The following PPFIBP2 variants were observed in gnomAD, a reference collection of about 807,000 sequenced individuals.
PPFIBP2 encodes PPFIB scaffold protein 2.
Under a neutral mutation model 118.3 loss-of-function variants are expected in PPFIBP2, and 118 were observed. The ratio of observed to expected loss-of-function variants is 1.00; its 90% CI spans 0.86 to 1.16. PPFIBP2 has a LOEUF of 1.16. Among genes scored for constraint, PPFIBP2 ranks in the 50% most tolerant of loss-of-function variants. The pLI is 0.00. For synonymous variants in PPFIBP2, 414 were observed against 397.4 expected (o/e 1.04, Z -0.50); for missense variants, 1,195 against 1,073.1 (o/e 1.11, Z -1.59).
rs1228315136 is a variant in PPFIBP2 at position 7,521,249 on chromosome 11, A to G, written c.-37+7128A>G. ...TTAATCACCCTGTTCTATGTTGCAT[A>G]GTAATCATGATCCCTAACATACCTG... is the stretch of plus-strand genomic sequence containing the variant. On this transcript the variant is annotated intron_variant, in intron 1 of 23. Coordinates refer to ENST00000299492, the MANE Select transcript of PPFIBP2 (RefSeq NM_003621.5). Among the ~76,000 whole-genome samples, 3 of 152,236 alleles carry G rather than the reference A, an allele frequency of 2.0e-5. No homozygotes were observed. The South Asian group carries it at 6.2e-4, about 32-fold the overall frequency.
chr11:7,576,430 G>A (rs1292179584), intron 3 of PPFIBP2: 1 of 152,462 alleles, frequency 6.6e-6, no homozygotes, highest in African/African-American at 2.4e-5. Context: ...AGGAGGTGGG[G>A]GGTGGCATCT....
chr11:7,558,826 C>A (rs895751466), intron 2 of PPFIBP2, among the ~76,000 whole-genome samples: 1 of 152,022 alleles, frequency 6.6e-6, no homozygotes, highest in African/African-American at 2.4e-5. Flanking sequence ...TGGTCTTATC[C>A]TCAAAAATAA....
chr11:7,574,965 TCCCTC>T (rs1362891303), intron 3 of PPFIBP2, among the ~76,000 whole-genome samples: 1 of 152,120 alleles, frequency 6.6e-6, no homozygotes, highest in Non-Finnish European at 1.5e-5. Context: ...TCTGGATTCT[TCCCTC>T]CCTTCCTCCC....
chr11:7,536,064 C>G (rs1851181080), intron 1 of PPFIBP2, among the ~76,000 whole-genome samples: 1 of 152,216 alleles, frequency 6.6e-6, no homozygotes, highest in Non-Finnish European at 1.5e-5. Flanking sequence ...AACATTTAAC[C>G]TTCACAACCA....
At chr11:7,648,184 T>G in intron 17 of PPFIBP2, 1 of 539,766 alleles carries the variant, frequency 1.9e-6, no homozygotes, top group South Asian at 2.7e-5. Context: ...TCTTGTGTTA[T>G]TAAGAAAACT....
Position 7,625,866 on chromosome 11 carries a change from C to T in PPFIBP2, c.801C>T (p.Leu267=). 1 of 1,614,216 alleles carries T rather than the reference C, an allele frequency of 6.2e-7. No individual in the cohort carries two copies. Among genetic ancestry groups the T allele is most frequent in the Non-Finnish European group, 8.5e-7 (1 of 1,180,020 alleles). The part of the protein sequence containing the change: ...LHSQLSRTAA[L]HSESHTERDQ... Reference sequence around the variant, plus strand: ...GCCAGCTCTCCCGGACAGCAGCTCTCCACAGTGAGAGTCACACAGAGAGAG... The same window carrying T: ...GCCAGCTCTCCCGGACAGCAGCTCTTCACAGTGAGAGTCACACAGAGAGAG... Residue 267 remains leucine, a synonymous_variant, in exon 8 of 24, where the codon CTC becomes CTT. Coordinates refer to ENST00000299492, the MANE Select transcript of PPFIBP2 (RefSeq NM_003621.5).
intron 3 of PPFIBP2, among the ~76,000 whole-genome samples, chr11:7,584,843 T>C (rs1431158978): frequency 2.6e-5 from 4 of 152,224 alleles, no homozygotes; most frequent in Admixed American, 6.5e-5. Context: ...ATAGCCTTAG[T>C]AACTTTGATA....
chr11:7,650,203 G>A (rs1853771495), intron 21 of PPFIBP2, among the ~76,000 whole-genome samples: 1 of 152,114 alleles, frequency 6.6e-6, no homozygotes, highest in African/African-American at 2.4e-5. Flanking sequence ...GTTCTTGGTG[G>A]ACCCCCAAAC....
intron 17 of PPFIBP2, among the ~76,000 whole-genome samples, chr11:7,647,678 C>T (rs11041495): frequency 0.35 from 52,692 of 152,114 alleles, 11,608 homozygotes; most frequent in Non-Finnish European, 0.48. Flanking sequence ...ATGTGTATTT[C>T]GTAAGTGGCC....
intron 5 of PPFIBP2, among the ~76,000 whole-genome samples, chr11:7,607,117 C>T (rs568429467): frequency 2.0e-5 from 3 of 149,968 alleles, no homozygotes; most frequent in Admixed American, 6.6e-5. Context: ...TCACCATGTT[C>T]GTCAGGATGG....
intron 6 of PPFIBP2, among the ~76,000 whole-genome samples, chr11:7,617,507 C>T (rs946826106): frequency 6.6e-6 from 1 of 152,010 alleles, no homozygotes; most frequent in Non-Finnish European, 1.5e-5. Context: ...TGAGGCCAAC[C>T]CTCAAACAGG....
chr11:7,666,082 G>A, the PPFIBP2 span: 684 of 653,360 alleles, frequency 1.0e-3, 3 homozygotes, highest in African/African-American at 0.011. Context: ...GGCGGTAAGG[G>A]GTGTGGTGGC....
intron 1 of PPFIBP2, among the ~76,000 whole-genome samples, chr11:7,536,318 G>A (rs1288111751): frequency 1.3e-5 from 2 of 152,140 alleles, no homozygotes; most frequent in East Asian, 3.9e-4. Flanking sequence ...TCCCACCACT[G>A]GGGGTGTCAG....
intron 1 of PPFIBP2, 143 bp from the exon 2 acceptor site, chr11:7,549,297 G>T: frequency 1.4e-6 from 1 of 714,784 alleles, no homozygotes. Flanking sequence ...AAAAGGCCAT[G>T]GAGATGCAGA....
intron 17 of PPFIBP2, among the ~76,000 whole-genome samples, chr11:7,642,967 C>T (rs1264419000): frequency 6.6e-6 from 1 of 152,152 alleles, no homozygotes; most frequent in East Asian, 1.9e-4. Context: ...CCAGGTCCTC[C>T]TCGTGCATGA....
At position 7,650,878 on chromosome 11, in the gene PPFIBP2, C is replaced by T. The variant is rs138395635; in HGVS notation, c.2160C>T (p.Asn720=). Residue 720 remains asparagine, a synonymous_variant, in exon 22 of 24, where the codon AAC becomes AAT. Transcript: ENST00000299492. ...LSPSEVVQWS[N]HRVMEWLRSV... ...CTTCAGAAGTTGTACAGTGGTCCAA[C>T]CACAGGGTGATGGAGTGGTTACGAT... 659 of 1,614,100 alleles carry T rather than the reference C, an allele frequency of 4.1e-4. 10 individuals carry two copies. In the South Asian group the frequency reaches 6.6e-3, roughly 16 times the overall value.
chr11:7,553,531 C>G (rs979267014), intron 2 of PPFIBP2, among the ~76,000 whole-genome samples: 3 of 152,198 alleles, frequency 2.0e-5, no homozygotes, highest in African/African-American at 7.2e-5. Context: ...TGGTTATTAA[C>G]ATGGACTACA....
At position 7,641,628 on chromosome 11, in the gene PPFIBP2, G is replaced by A. The variant is rs777225695; in HGVS notation, c.1517+8G>A. The A allele has an allele frequency of 5.0e-6, 8 of 1,613,308 alleles. No individual in the cohort carries two copies. Among genetic ancestry groups the A allele is most frequent in the African/African-American group, 4.0e-5 (3 of 74,884 alleles). The stretch of plus-strand genomic sequence containing the variant: ...TAAGAAGTTCTGGGGAAAGTAAGTT[G>A]GTGCCGTTGATCCTAATTATATTGC... On this transcript the variant is annotated splice_region_variant and intron_variant, in intron 16 of 23. Transcript: ENST00000299492.
At chr11:7,617,208 G>A in intron 6 of PPFIBP2, 1 of 985,440 alleles carries the variant, frequency 1.0e-6, no homozygotes, top group Non-Finnish European at 1.2e-6. Context: ...ACTCAGTAGG[G>A]ACCACCCTGA....
Sources: gnomAD v4.1 joint callset for allele counts (sites outside exome capture counted in the v4.1 genomes callset) on GRCh38, gnomAD v4.1.1 for gene constraint, MANE v1.5 for transcripts, NCBI Gene and HGNC (gene_info 2026-07-23, HGNC 2026-07-21) for gene names.